The following GFI1B variants were observed in gnomAD, a reference collection of about 807,000 sequenced individuals.
GFI1B encodes the protein zinc finger protein Gfi-1b.
In GFI1B, 20 loss-of-function variants were observed where a neutral mutation model predicts 35.3. The observed-to-expected ratio is 0.57, with a 90% CI of 0.40 to 0.82. The LOEUF is 0.82. GFI1B is among the 40% of genes least tolerant of loss of function. The pLI, the probability that GFI1B is intolerant of heterozygous loss-of-function variation, is 0.00. For missense variants in GFI1B, 430 were observed against 446.3 expected, an observed-to-expected ratio of 0.96 and a Z score of 0.33; for synonymous variants, 178 against 177.6, an observed-to-expected ratio of 1.00 and a Z score of -0.02.
chr9:132,986,821 G>C (rs759599251), intron 2 of GFI1B, 43 bp downstream of exon 2: 4 of 1,194,428 alleles, frequency 3.3e-6, no homozygotes, highest in Non-Finnish European at 4.9e-6. Context: ...CCCACGGGGG[G>C]CTCTCTGCTC....
chr9:132,987,307 C>G lies in GFI1B; in HGVS notation c.126C>G (p.Asn42Lys). The G allele has an allele frequency of 6.2e-7, 1 of 1,614,156 alleles. No individual in the cohort carries two copies. The highest frequency in any genetic ancestry group is 8.5e-7 in the Non-Finnish European group (1 of 1,179,990). Reference sequence around the variant, plus strand: ...TGCCCAGAGACCAGGCTCCAAGCAACAGCCCTGTCCTTAGCACTCTATTCC... The same window carrying G: ...TGCCCAGAGACCAGGCTCCAAGCAAGAGCCCTGTCCTTAGCACTCTATTCC... ...TPVPRDQAPS[N>K]SPVLSTLFPN... Residue 42 changes from asparagine (N) to lysine (K), a missense_variant, in exon 3 of 7, where the codon AAC becomes AAG. By Grantham distance (94) the Asn-to-Lys change is moderately conservative. Coordinates refer to ENST00000372122, the MANE Select transcript of GFI1B (RefSeq NM_001377304.1).
chr9:132,974,311 A>G (rs1348451395), upstream of GFI1B, among the ~76,000 whole-genome samples: 1 of 152,114 alleles, frequency 6.6e-6, no homozygotes, highest in Non-Finnish European at 1.5e-5. Context: ...AAAAGATAGG[A>G]AGATGGCCAG....
chr9:132,949,245 G>A (rs1341745062), intron 1 of GFI1B, among the ~76,000 whole-genome samples: 1 of 149,294 alleles, frequency 6.7e-6, no homozygotes, highest in Non-Finnish European at 1.5e-5. Context: ...GCTACTCACT[G>A]TGAATCAAGC....
chr9:132,992,355 C>T (rs780490940), downstream of GFI1B, among the ~76,000 whole-genome samples: 1 of 152,122 alleles, frequency 6.6e-6, no homozygotes, highest in East Asian at 1.9e-4. Context: ...CACATCCTAA[C>T]CCTGGAACCT....
intron 1 of GFI1B, among the ~76,000 whole-genome samples, chr9:132,964,375 G>A (rs968432831): frequency 1.3e-5 from 2 of 151,986 alleles, no homozygotes; most frequent in East Asian, 1.9e-4. Flanking sequence ...ATAACAAAAC[G>A]GCTCTTGGAC....
At chr9:132,957,411 T>C (rs559867614) in intron 1 of GFI1B, among the ~76,000 whole-genome samples, 240 of 152,312 alleles carry the variant, frequency 1.6e-3, no homozygotes, top group African/African-American at 5.6e-3. Flanking sequence ...ACTCTACATG[T>C]ATTAAGTGAA....
chr9:132,953,729 C>T (rs60959256), intron 1 of GFI1B: 11,003 of 151,980 alleles, frequency 0.072, 445 homozygotes, highest in Non-Finnish European at 0.095. Flanking sequence ...GGGCAGATCA[C>T]GAGGTCAGGA....
At chr9:132,965,512 A>G (rs1391777217) in intron 1 of GFI1B, among the ~76,000 whole-genome samples, 1 of 152,276 alleles carries the variant, frequency 6.6e-6, no homozygotes, top group East Asian at 1.9e-4. Context: ...AGGTCTGTGC[A>G]GATGTAATTA....
chr9:132,977,711 C>G (rs1022107231), upstream of GFI1B, among the ~76,000 whole-genome samples: 5 of 151,976 alleles, frequency 3.3e-5, no homozygotes, highest in South Asian at 2.1e-4. Flanking sequence ...GACGCCCTGC[C>G]AAATGGGAAG....
intron 1 of GFI1B, among the ~76,000 whole-genome samples, chr9:132,949,335 A>G (rs1378653288): frequency 6.6e-6 from 1 of 151,278 alleles, no homozygotes; most frequent in East Asian, 1.9e-4. Flanking sequence ...ACACACACAC[A>G]CACACATACA....
chr9:132,986,237 C>A (rs918224668), intron 1 of GFI1B, among the ~76,000 whole-genome samples: 1 of 148,570 alleles, frequency 6.7e-6, no homozygotes, highest in African/African-American at 2.6e-5. Context: ...TGAGTTCTGG[C>A]GGCTGTCGGC....
At chr9:132,973,117 C>T (rs1466573258) in intron 2 of GFI1B, among the ~76,000 whole-genome samples, 1 of 152,236 alleles carries the variant, frequency 6.6e-6, no homozygotes, top group Admixed American at 6.5e-5. Flanking sequence ...CAGGGACCAC[C>T]GGGTCCATTG....
At chr9:132,959,756 G>A (rs1848337530) in intron 1 of GFI1B, among the ~76,000 whole-genome samples, 1 of 152,154 alleles carries the variant, frequency 6.6e-6, no homozygotes, top group South Asian at 2.1e-4. Flanking sequence ...GCTTCTGGTG[G>A]TCACTGGCCA....
At position 132,989,293 on chromosome 9, in the gene GFI1B, C is replaced by G; in HGVS notation, c.648+95C>G. ...GCTGTGGCTGGGTCCCTCCCCCTGC[C>G]CCTGGGGGTGACACAGATTGGGAGG... On this transcript the variant is annotated intron_variant, in intron 5 of 6. Coordinates refer to ENST00000372122, the MANE Select transcript of GFI1B (RefSeq NM_001377304.1). The surrounding 1 kb of genome is among the most constrained non-coding windows in gnomAD (Gnocchi z 6.2). 2 of 1,256,062 alleles carry G rather than the reference C, an allele frequency of 1.6e-6. No individual in the cohort carries two copies. Among genetic ancestry groups the G allele is most frequent in the Non-Finnish European group, 2.3e-6 (2 of 873,686 alleles). 77.8% of individuals were successfully genotyped at this position (1,256,062 alleles called of 1,614,324 possible). A position where few individuals can be genotyped will look rare whatever the true frequency, so the allele number is the denominator to read the frequency against.
At chr9:132,972,358 G>T (rs1248792769) in intron 1 of GFI1B, among the ~76,000 whole-genome samples, 1 of 152,224 alleles carries the variant, frequency 6.6e-6, no homozygotes, top group East Asian at 1.9e-4. Context: ...GGAGGTGGAT[G>T]TTGCAGTGAG....
intron 1 of GFI1B, among the ~76,000 whole-genome samples, chr9:132,985,270 C>T (rs752343256): frequency 2.6e-5 from 4 of 152,148 alleles, no homozygotes; most frequent in Non-Finnish European, 5.9e-5. Context: ...GCAGGGGAAG[C>T]CAGGAGTCCT....
chr9:132,973,812 C>G (rs573742917), upstream of GFI1B, among the ~76,000 whole-genome samples: 3 of 152,352 alleles, frequency 2.0e-5, no homozygotes, highest in Admixed American at 2.0e-4. Flanking sequence ...TTAATGACAG[C>G]TGTTGTTCCT....
At chr9:132,978,250 A>G (rs1046323015), upstream of GFI1B, among the ~76,000 whole-genome samples, 3 of 149,638 alleles carry the variant, frequency 2.0e-5, no homozygotes, top group Admixed American at 1.3e-4. Flanking sequence ...AAGGGAAGGA[A>G]GGAGGCAGGG....
At position 132,989,828 on chromosome 9, in the gene GFI1B, G is replaced by C; in HGVS notation, c.735G>C (p.Thr245=). 6.2e-7 allele frequency: 1 copy of C among 1,614,170 alleles called. No individual in the cohort carries two copies. The highest frequency in any genetic ancestry group is 8.5e-7 in the Non-Finnish European group (1 of 1,179,990). Residue 245 remains threonine (T), a synonymous_variant, in exon 6 of 7, where the codon ACG becomes ACC. Coordinates refer to ENST00000372122, the MANE Select transcript of GFI1B (RefSeq NM_001377304.1). The surrounding 1 kb of genome is among the most constrained non-coding windows in gnomAD (Gnocchi z 6.2). The part of the protein sequence containing the change: ...LSTHLLIHSD[T]RPYPCQFCGK... ...CCCACCTGCTCATCCACTCAGACAC[G>C]CGGCCCTACCCCTGCCAGTTCTGCG...
Sources: allele counts gnomAD v4.1 joint callset (sites outside exome capture counted in the v4.1 genomes callset), GRCh38; gene constraint gnomAD v4.1.1; non-coding constraint Gnocchi (gnomAD v3.1); transcripts MANE v1.5; gene names NCBI Gene and HGNC (gene_info 2026-07-23, HGNC 2026-07-21).